Variants in SRFBP1 observed in about 807,000 individuals in gnomAD.
SRFBP1 encodes the protein serum response factor binding protein 1.
In SRFBP1, 47 loss-of-function variants were observed where a neutral mutation model predicts 45.5. The ratio of observed to expected loss-of-function variants is 1.03; its 90% CI spans 0.82 to 1.32. The LOEUF is 1.32. SRFBP1 is among the 40% of genes most tolerant of loss of function. The pLI is 0.00. For missense variants in SRFBP1, 621 were observed against 484.6 expected, an observed-to-expected ratio of 1.28 and a Z score of -2.64; for synonymous variants, 203 against 166.3, an observed-to-expected ratio of 1.22 and a Z score of -1.70.
intron 4 of SRFBP1, among the ~76,000 whole-genome samples, chr5:122,013,878 A>G (rs1426851530): frequency 1.3e-5 from 2 of 152,182 alleles, no homozygotes; most frequent in African/African-American, 4.8e-5. Context: ...TCGTTACCAG[A>G]GGCTGGGGAC....
At chr5:122,053,427 T>C (rs1754024472) in intron 2 of SRFBP1, among the ~76,000 whole-genome samples, 1 of 152,114 alleles carries the variant, frequency 6.6e-6, no homozygotes, top group African/African-American at 2.4e-5. Flanking sequence ...TGCTCTGCCA[T>C]TGGGGTGTTT....
chr5:122,010,347 G>T (rs1315389851), intron 4 of SRFBP1, among the ~76,000 whole-genome samples: 1 of 151,942 alleles, frequency 6.6e-6, no homozygotes, highest in Non-Finnish European at 1.5e-5. Context: ...ATATACATAT[G>T]GTGCTCTGGG....
At chr5:122,026,858 C>T in intron 7 of SRFBP1, 84 bp from the exon 8 acceptor site, 1 of 956,244 alleles carries the variant, frequency 1.0e-6, no homozygotes, top group Non-Finnish European at 1.4e-6. Flanking sequence ...CTTTTTTTAA[C>T]ATTGGTTTGA....
chr5:122,037,742 G>A (rs770106801), intron 2 of SRFBP1, among the ~76,000 whole-genome samples: 2 of 151,760 alleles, frequency 1.3e-5, no homozygotes, highest in East Asian at 1.9e-4. Flanking sequence ...GATCTCAAAC[G>A]CCTGGCTTCA....
At chr5:121,985,810 G>A (rs903773243) in intron 3 of SRFBP1, among the ~76,000 whole-genome samples, 4 of 151,786 alleles carry the variant, frequency 2.6e-5, no homozygotes, top group Admixed American at 2.0e-4. Flanking sequence ...ATTTTTGTGG[G>A]GGGTTGGGGG....
intron 3 of SRFBP1, among the ~76,000 whole-genome samples, chr5:121,985,979 A>G (rs190933320): frequency 2.0e-4 from 30 of 151,970 alleles, no homozygotes; most frequent in African/African-American, 7.0e-4. Context: ...TATCTTGGCT[A>G]CAGATGGAGA....
At chr5:121,993,374 G>T (rs1752654867) in intron 3 of SRFBP1, among the ~76,000 whole-genome samples, 1 of 152,144 alleles carries the variant, frequency 6.6e-6, no homozygotes, top group Non-Finnish European at 1.5e-5. Context: ...AGAAGATTCT[G>T]ATGGTCTTGT....
chr5:121,971,909 T>A (rs951389219), intron 1 of SRFBP1, among the ~76,000 whole-genome samples: 1 of 151,978 alleles, frequency 6.6e-6, no homozygotes, highest in Non-Finnish European at 1.5e-5. Context: ...CTTAGTGACA[T>A]CTTTTAGTAG....
chr5:122,038,546 C>T (rs1439754409), intron 2 of SRFBP1, among the ~76,000 whole-genome samples: 3 of 152,214 alleles, frequency 2.0e-5, no homozygotes, highest in Non-Finnish European at 4.4e-5. Context: ...TCAAATATCA[C>T]TGCTTCCAGT....
intron 1 of SRFBP1, among the ~76,000 whole-genome samples, chr5:121,971,812 G>A (rs1422226609): frequency 3.9e-5 from 6 of 151,924 alleles, no homozygotes; most frequent in Admixed American, 3.9e-4. Flanking sequence ...GGAAAACTAA[G>A]GGAAGAATGT....
At chr5:121,976,013 AAAC>A (rs1361345884) in intron 3 of SRFBP1, among the ~76,000 whole-genome samples, 1 of 151,956 alleles carries the variant, frequency 6.6e-6, no homozygotes, top group Non-Finnish European at 1.5e-5. Context: ...TAGAACTTAA[AAAC>A]AACATTTGGT....
In SRFBP1 at chr5:121,975,241, A is replaced by G. The variant is rs980608333; in HGVS notation, c.126-74A>G. ...ATTACGCTTTTCTAAAAAGAAATGA[A>G]GTGATTATCCATTACACTATAAGTC... is the stretch of plus-strand genomic sequence containing the variant. On this transcript the variant is annotated intron_variant, in intron 2 of 7. Transcript: ENST00000339397. 2.2e-5 allele frequency: 31 copies of G among 1,428,622 alleles called. No homozygotes were observed. The African/African-American group carries it at 4.3e-4, about 20-fold the overall frequency. 88.5% of individuals were successfully genotyped at this position (1,428,622 alleles called of 1,614,324 possible).
intron 2 of SRFBP1, among the ~76,000 whole-genome samples, chr5:122,060,205 C>T (rs1038348445): frequency 6.6e-6 from 1 of 152,016 alleles, no homozygotes; most frequent in African/African-American, 2.4e-5. Context: ...GCCTTAGATA[C>T]TATGAATAAG....
downstream of SRFBP1, among the ~76,000 whole-genome samples, chr5:122,078,807 A>G (rs1386566630): frequency 2.6e-5 from 4 of 152,348 alleles, no homozygotes; most frequent in South Asian, 2.1e-4. Flanking sequence ...TTCTGTGTGT[A>G]GGTAATATGA....
At chr5:121,968,005 G>A (rs1203546310) in intron 1 of SRFBP1, among the ~76,000 whole-genome samples, 1 of 151,954 alleles carries the variant, frequency 6.6e-6, no homozygotes, top group East Asian at 1.9e-4. Flanking sequence ...TACCTCAGAG[G>A]TAATTATTCC....
intron 4 of SRFBP1, among the ~76,000 whole-genome samples, chr5:122,008,268 G>A (rs904934061): frequency 2.0e-5 from 3 of 152,088 alleles, no homozygotes; most frequent in African/African-American, 7.2e-5. Context: ...TGGGACAACC[G>A]AGAGACACAA....
chr5:121,994,277 A>T (rs1752673701), intron 3 of SRFBP1, among the ~76,000 whole-genome samples: 1 of 151,602 alleles, frequency 6.6e-6, no homozygotes, highest in Non-Finnish European at 1.5e-5. Context: ...CTGCTTTCTA[A>T]TTTTTCCTGT....
At chr5:122,045,700 G>A (rs1753843966) in intron 2 of SRFBP1, among the ~76,000 whole-genome samples, 1 of 152,060 alleles carries the variant, frequency 6.6e-6, no homozygotes, top group African/African-American at 2.4e-5. Context: ...TTTATACATT[G>A]ATTTTGTATC....
intron 2 of SRFBP1, among the ~76,000 whole-genome samples, chr5:122,069,235 G>T (rs1350107883): frequency 6.6e-6 from 1 of 152,096 alleles, no homozygotes. Flanking sequence ...TGGCACTGGT[G>T]GTTCTCCAGT....
Sources: gnomAD v4.1 joint callset for allele counts (sites outside exome capture counted in the v4.1 genomes callset) on GRCh38, gnomAD v4.1.1 for gene constraint, MANE v1.5 for transcripts, NCBI Gene and HGNC (gene_info 2026-07-23, HGNC 2026-07-21) for gene names.